KCNMA1: variants seen among roughly 807,000 people sequenced by gnomAD.
The protein encoded by KCNMA1 is potassium calcium-activated channel subfamily M alpha 1.
A neutral mutation model predicts 140.0 loss-of-function variants in KCNMA1; 29 were observed. The ratio of observed to expected loss-of-function variants is 0.21; its 90% confidence interval spans 0.15 to 0.28. The LOEUF (loss-of-function observed/expected upper bound fraction) is 0.28. Among genes scored for constraint, KCNMA1 ranks in the 10% least tolerant of loss-of-function variants. The pLI, the probability that KCNMA1 is intolerant of heterozygous loss-of-function variation, is 1.00. For synonymous variants in KCNMA1, 612 were observed against 611.9 expected, an observed-to-expected ratio of 1.00 and a Z score of 0.00; for missense variants, 880 against 1,602.2, an observed-to-expected ratio of 0.55 and a Z score of 7.70.
intron 1 of KCNMA1, among the ~76,000 whole-genome samples, chr10:77,426,052 C>A (rs1345855367): frequency 6.6e-6 from 1 of 152,170 alleles, no homozygotes; most frequent in Non-Finnish European, 1.5e-5. Context: ...ATAATCGGGG[C>A]CTGGCTTGGA....
intron 20 of KCNMA1, among the ~76,000 whole-genome samples, chr10:76,965,213 AG>A (rs2073398940): frequency 6.6e-6 from 1 of 152,254 alleles, no homozygotes; most frequent in Non-Finnish European, 1.5e-5. Flanking sequence ...ATGATTTTAG[AG>A]GAAAACTAGG....
chr10:77,536,840 C>G (rs1165565052), intron 1 of KCNMA1, among the ~76,000 whole-genome samples: 1 of 152,212 alleles, frequency 6.6e-6, no homozygotes, highest in Non-Finnish European at 1.5e-5. Context: ...AACATCCACA[C>G]CTTTCTCTCA....
chr10:77,101,246 C>T (rs138505162), intron 9 of KCNMA1, among the ~76,000 whole-genome samples: 11 of 152,174 alleles, frequency 7.2e-5, no homozygotes, highest in East Asian at 1.9e-4. Context: ...TAATGACAAG[C>T]GCTTTGGGTA....
intron 1 of KCNMA1, among the ~76,000 whole-genome samples, chr10:77,549,959 A>G (rs1217528092): frequency 6.6e-6 from 1 of 152,228 alleles, no homozygotes; most frequent in African/African-American, 2.4e-5. Flanking sequence ...CAATGAAAGC[A>G]CTAGTTTATT....
chr10:77,336,016 G>T (rs1443350693), intron 2 of KCNMA1, among the ~76,000 whole-genome samples: 1 of 152,174 alleles, frequency 6.6e-6, no homozygotes. Flanking sequence ...GCAGGGACAG[G>T]TTGGGAAAAA....
At chr10:77,019,220 C>G in intron 16 of KCNMA1, 121 bp from the exon 17 acceptor site, 1 of 689,924 alleles carries the variant, frequency 1.4e-6, no homozygotes, top group Non-Finnish European at 2.6e-6. Flanking sequence ...AAAGCTTTCC[C>G]CAAAGATTTT....
At chr10:77,529,263 G>T (rs116083108) in intron 1 of KCNMA1, among the ~76,000 whole-genome samples, 1 of 151,622 alleles carries the variant, frequency 6.6e-6, no homozygotes, top group African/African-American at 2.4e-5. Flanking sequence ...TCTGCCTGTG[G>T]TTTCCCAGCT....
At chr10:77,441,031 G>A in intron 1 of KCNMA1, among the ~76,000 whole-genome samples, 1 of 151,966 alleles carries the variant, frequency 6.6e-6, no homozygotes, top group East Asian at 1.9e-4. Flanking sequence ...CACCGTGTTG[G>A]CCAGGGTGGT....
chr10:77,035,961 T>C (rs983634521), intron 15 of KCNMA1, among the ~76,000 whole-genome samples: 1 of 152,148 alleles, frequency 6.6e-6, no homozygotes, highest in African/African-American at 2.4e-5. Flanking sequence ...TGTGAGGGTG[T>C]TACCAAAGGA....
chr10:77,637,760 C>T lies in KCNMA1; in HGVS notation c.-118G>A. On this transcript the variant is annotated 5_prime_UTR_variant, in exon 1 of 28. Transcript: ENST00000286628. ...ACTGCTGCCGCCGCCGCCGCCGCCG[C>T]GGAGCGCGGGAGGGGGGCGGGGAGG... 1 of 1,308,036 alleles carries T rather than the reference C, an allele frequency of 7.6e-7. No homozygotes were observed. The highest frequency in any genetic ancestry group is 9.6e-7 in the Non-Finnish European group (1 of 1,040,828). The allele number at this position is 1,308,036 out of a possible 1,614,324, so 81.0% of individuals were successfully genotyped here. A position where few individuals can be genotyped will look rare whatever the true frequency, so the allele number is the denominator to read the frequency against.
intron 3 of KCNMA1, among the ~76,000 whole-genome samples, chr10:77,230,566 C>T (rs1193034331): frequency 1.3e-5 from 2 of 152,238 alleles, no homozygotes; most frequent in Non-Finnish European, 2.9e-5. Flanking sequence ...CTGTCCAGTG[C>T]GGAATTACAT....
chr10:77,372,559 C>A (rs2094813850), intron 2 of KCNMA1, among the ~76,000 whole-genome samples: 1 of 152,196 alleles, frequency 6.6e-6, no homozygotes. Context: ...TTTGCTCTTG[C>A]CTGCCACAGC....
intron 5 of KCNMA1, among the ~76,000 whole-genome samples, chr10:77,178,765 C>T (rs1205136391): frequency 6.6e-6 from 1 of 152,150 alleles, no homozygotes; most frequent in Non-Finnish European, 1.5e-5. Context: ...CATTGACCTA[C>T]CTTGGGGATA....
intron 1 of KCNMA1, among the ~76,000 whole-genome samples, chr10:77,562,822 A>C (rs2066828388): frequency 6.6e-6 from 1 of 152,246 alleles, no homozygotes; most frequent in African/African-American, 2.4e-5. Flanking sequence ...TACCAAGCAC[A>C]TTCAGTTGTG....
rs778283524 is a variant in KCNMA1 at position 76,889,559 on chromosome 10, C to T, written c.3353G>A (p.Cys1118Tyr). The change falls in exon 27 of 28, where the codon TGT (cysteine) becomes TAT (tyrosine). Residue 1118 changes from cysteine to tyrosine, a missense_variant. Around this residue, in one of 13 missense-constraint regions of KCNMA1, gnomAD observed 5 missense variants for 28.2 expected, o/e 0.18. Transcript: ENST00000286628. ...GPFADLGDGG[C>Y]YGDLFCKALK... ...AGCTTTGCAGAACAGATCACCATAA[C>T]AACCACCATCCTGGGAGACAGCAAA... 3 of 1,611,504 alleles carry T rather than the reference C, an allele frequency of 1.9e-6. No homozygotes were observed. The highest frequency in any genetic ancestry group is 2.2e-5 in the South Asian group (2 of 91,038).
rs575015722 is a variant in KCNMA1, at chr10:77,611,607, G to A, written c.378+25658C>T. ...CCTCATACCCAGCCCGGCACATAGC[G>A]AGTTCTCCATTAAGTGTGACTTATT... On this transcript the variant is annotated intron_variant, in intron 1 of 27. Transcript: ENST00000286628. 2.0e-5 allele frequency among the ~76,000 whole-genome samples: 3 copies of A among 151,790 alleles called. No homozygotes were observed. The East Asian group carries it at 5.8e-4, about 29-fold the overall frequency.
intron 23 of KCNMA1, among the ~76,000 whole-genome samples, chr10:76,932,177 A>G (rs2059444780): frequency 6.6e-6 from 1 of 152,204 alleles, no homozygotes; most frequent in Non-Finnish European, 1.5e-5. Flanking sequence ...CATATTTATG[A>G]CAATATTTTT....
intron 1 of KCNMA1, among the ~76,000 whole-genome samples, chr10:77,633,710 C>T (rs1222570786): frequency 1.3e-5 from 2 of 152,180 alleles, no homozygotes; most frequent in African/African-American, 2.4e-5. Context: ...ATTCATTACA[C>T]GCAGACCATC....
intron 1 of KCNMA1, among the ~76,000 whole-genome samples, chr10:77,477,113 T>C (rs1015148675): frequency 3.3e-5 from 5 of 152,218 alleles, no homozygotes; most frequent in Non-Finnish European, 7.3e-5. Context: ...TTTGTCTTCC[T>C]TGGGCCTCCA....
Sources: gnomAD v4.1 joint callset for allele counts (sites outside exome capture counted in the v4.1 genomes callset) on GRCh38, gnomAD v4.1.1 for gene constraint, gnomAD v4.1.1 regional missense constraint, MANE v1.5 for transcripts, NCBI Gene and HGNC (gene_info 2026-07-23, HGNC 2026-07-21) for gene names.